FSTL4: variants seen among roughly 807,000 people sequenced by gnomAD.
The protein encoded by FSTL4 is follistatin-related protein 4.
A neutral mutation model predicts 78.2 loss-of-function variants in FSTL4; 28 were observed. The ratio of observed to expected loss-of-function variants is 0.36; its 90% CI spans 0.27 to 0.49. The LOEUF is 0.49. Among genes scored for constraint, FSTL4 ranks in the 20% least tolerant of loss-of-function variants. The pLI is 0.98. For synonymous variants in FSTL4, 422 were observed against 440.5 expected (o/e 0.96, Z 0.53); for missense variants, 922 against 1,084.9 (o/e 0.85, Z 2.11).
chr5:133,778,958 A>G, the FSTL4 span, among the ~76,000 whole-genome samples: 2 of 152,320 alleles, frequency 1.3e-5, no homozygotes, highest in East Asian at 3.9e-4. Context: ...AAAGGCACCA[A>G]CAAGGGCTTC....
the FSTL4 span, among the ~76,000 whole-genome samples, chr5:133,830,304 G>A: frequency 5.3e-5 from 8 of 152,228 alleles, no homozygotes; most frequent in African/African-American, 1.7e-4. Flanking sequence ...GGATGTGCCT[G>A]TGTCAGAAGA....
intron 3 of FSTL4, among the ~76,000 whole-genome samples, chr5:133,492,030 T>C (rs554412999): frequency 1.3e-5 from 2 of 152,334 alleles, no homozygotes; most frequent in East Asian, 3.9e-4. Context: ...GTCTGAATGT[T>C]ATTTATCCAA....
intron 3 of FSTL4, among the ~76,000 whole-genome samples, chr5:133,561,126 TAA>T (rs1759904685): frequency 2.0e-5 from 3 of 147,538 alleles, no homozygotes; most frequent in Non-Finnish European, 4.5e-5. Flanking sequence ...ATAATAATAA[TAA>T]TAATAATAAT....
the FSTL4 span, among the ~76,000 whole-genome samples, chr5:133,665,346 C>T: frequency 8.9e-4 from 135 of 152,332 alleles, no homozygotes; most frequent in Non-Finnish European, 1.6e-3. Flanking sequence ...CCTCTTCCAT[C>T]TTGTTATAGA....
the FSTL4 span, among the ~76,000 whole-genome samples, chr5:133,839,815 C>A: frequency 6.6e-6 from 1 of 152,200 alleles, no homozygotes; most frequent in Non-Finnish European, 1.5e-5. Flanking sequence ...ATGCATCAAC[C>A]TTTTCCACCT....
At chr5:133,204,355 A>AGT (rs1750424475) in intron 14 of FSTL4, among the ~76,000 whole-genome samples, 1 of 152,184 alleles carries the variant, frequency 6.6e-6, no homozygotes, top group Non-Finnish European at 1.5e-5. Context: ...CAAATCCTTC[A>AGT]GTGTTGGATA....
rs192102489 is a variant in FSTL4, at chr5:133,414,958, T to C, written c.161-13972A>G. ...AATGGGATACAATGGAGGAAAAAAATGGACACATTTGTTACCAATAACCTA... is the reference window on the plus strand; with the variant it reads ...AATGGGATACAATGGAGGAAAAAAACGGACACATTTGTTACCAATAACCTA... On this transcript the variant is annotated intron_variant, in intron 3 of 15. Coordinates refer to ENST00000265342, the MANE Select transcript of FSTL4 (RefSeq NM_015082.2). Among the ~76,000 whole-genome samples the C allele has an allele frequency of 9.9e-4, 151 of 152,270 alleles. 1 individual carries two copies. The highest frequency in any genetic ancestry group is 3.0e-3 in the African/African-American group (123 of 41,548).
At chr5:133,683,558 C>T in the FSTL4 span, among the ~76,000 whole-genome samples, 1 of 152,186 alleles carries the variant, frequency 6.6e-6, no homozygotes, top group Non-Finnish European at 1.5e-5. Flanking sequence ...CGTTCACAGG[C>T]CATGCATCAA....
intron 4 of FSTL4, among the ~76,000 whole-genome samples, chr5:133,320,514 GA>G (rs1382599303): frequency 6.6e-6 from 1 of 152,098 alleles, no homozygotes; most frequent in Non-Finnish European, 1.5e-5. Flanking sequence ...TAAAAATAAA[GA>G]AAAAGAAAAT....
At chr5:133,239,180 C>T (rs539107047) in intron 7 of FSTL4, among the ~76,000 whole-genome samples, 10 of 152,274 alleles carry the variant, frequency 6.6e-5, no homozygotes, top group South Asian at 2.1e-4. Flanking sequence ...TGCCTCCCTG[C>T]GGGGCAAGGC....
At chr5:133,616,088 T>C (rs1283139528), upstream of FSTL4, among the ~76,000 whole-genome samples, 1 of 152,148 alleles carries the variant, frequency 6.6e-6, no homozygotes, top group Non-Finnish European at 1.5e-5. Flanking sequence ...CTCTTAAGAA[T>C]GTATTGTTTA....
chr5:133,335,435 G>A (rs1461512172), intron 4 of FSTL4, among the ~76,000 whole-genome samples: 1 of 152,020 alleles, frequency 6.6e-6, no homozygotes, highest in African/African-American at 2.4e-5. Flanking sequence ...GAGACGTCAA[G>A]GGTCTCCTGC....
the FSTL4 span, among the ~76,000 whole-genome samples, chr5:133,735,003 C>A: frequency 6.6e-6 from 1 of 152,284 alleles, no homozygotes; most frequent in Non-Finnish European, 1.5e-5. Flanking sequence ...TGGGACTGTG[C>A]GAGGAGGCTC....
At chr5:133,204,389 AT>A (rs1265205335) in intron 14 of FSTL4, among the ~76,000 whole-genome samples, 1 of 152,238 alleles carries the variant, frequency 6.6e-6, no homozygotes, top group Non-Finnish European at 1.5e-5. Flanking sequence ...TTAGGATATT[AT>A]TTTTAATCTC....
the FSTL4 span, among the ~76,000 whole-genome samples, chr5:133,712,404 G>T: frequency 6.6e-6 from 1 of 152,318 alleles, no homozygotes; most frequent in South Asian, 2.1e-4. Flanking sequence ...GGTGCCCCTA[G>T]ATAGGCAGTC....
At chr5:133,576,193 AAG>A (rs1760274577) in intron 2 of FSTL4, among the ~76,000 whole-genome samples, 2 of 152,344 alleles carry the variant, frequency 1.3e-5, no homozygotes, top group Admixed American at 6.5e-5. Flanking sequence ...AGGCTGCTGA[AAG>A]AGTATAAATG....
At chr5:133,509,313 C>T (rs535051833) in intron 3 of FSTL4, among the ~76,000 whole-genome samples, 38 of 152,274 alleles carry the variant, frequency 2.5e-4, no homozygotes, top group African/African-American at 8.9e-4. Context: ...CAGAAACCTC[C>T]TCTTTTTTAC....
At chr5:133,261,297 G>C (rs1273301050) in intron 6 of FSTL4, among the ~76,000 whole-genome samples, 1 of 152,114 alleles carries the variant, frequency 6.6e-6, no homozygotes, top group African/African-American at 2.4e-5. Context: ...GGGTTACTGG[G>C]AAGCCTACAA....
intron 3 of FSTL4, among the ~76,000 whole-genome samples, chr5:133,496,673 G>A (rs974478459): frequency 2.0e-5 from 3 of 152,178 alleles, no homozygotes; most frequent in Non-Finnish European, 4.4e-5. Flanking sequence ...ATGCGGACAC[G>A]AGGACAGTGA....
Sources: gnomAD v4.1 joint callset for allele counts (sites outside exome capture counted in the v4.1 genomes callset) on GRCh38, gnomAD v4.1.1 for gene constraint, MANE v1.5 for transcripts, NCBI Gene and HGNC (gene_info 2026-07-23, HGNC 2026-07-21) for gene names.